BICRA: variants seen among roughly 807,000 people sequenced by gnomAD.
BICRA encodes BRD4 interacting chromatin remodeling complex associated protein, also known as BRD4-interacting chromatin-remodeling complex-associated protein.
Under a neutral mutation model 96.9 loss-of-function variants are expected in BICRA, and 31 were observed. The ratio of observed to expected loss-of-function variants is 0.32; its 90% CI spans 0.24 to 0.43. The LOEUF (loss-of-function observed/expected upper bound fraction) is 0.43. Among genes scored for constraint, BICRA ranks in the 20% least tolerant of loss-of-function variants. BICRA has a pLI of 1.00. For missense variants in BICRA, 2,283 were observed against 2,190.3 expected, an observed-to-expected ratio of 1.04 and a Z score of -0.84; for synonymous variants, 1,350 against 1,071.8, an observed-to-expected ratio of 1.26 and a Z score of -5.07.
At chr19:47,634,570 A>C (rs550052662) in intron 1 of BICRA, among the ~76,000 whole-genome samples, 1 of 152,052 alleles carries the variant, frequency 6.6e-6, no homozygotes, top group Non-Finnish European at 1.5e-5. Context: ...TAATGTGTTC[A>C]ATACCATGCT....
intron 1 of BICRA, among the ~76,000 whole-genome samples, chr19:47,628,808 A>T (rs1235792021): frequency 6.6e-6 from 1 of 151,926 alleles, no homozygotes; most frequent in Non-Finnish European, 1.5e-5. Flanking sequence ...GGGTTTTGCC[A>T]TGTTGCCCAG....
intron 1 of BICRA, among the ~76,000 whole-genome samples, chr19:47,648,223 C>A (rs977164276): frequency 9.3e-5 from 12 of 129,706 alleles, no homozygotes; most frequent in African/African-American, 3.6e-4. Flanking sequence ...GCAGTGGCTG[C>A]CTGAGCTGTA....
chr19:47,651,060 C>T (rs1033387237), intron 1 of BICRA, among the ~76,000 whole-genome samples: 13 of 152,108 alleles, frequency 8.5e-5, no homozygotes, highest in African/African-American at 3.1e-4. Context: ...CGCCTTGTCC[C>T]CTCCGCTGTC....
In BICRA at chr19:47,702,210, A is replaced by T. The variant is rs1209435354; in HGVS notation, c.4478A>T (p.Gln1493Leu). Residue 1493 changes from glutamine to leucine, a missense_variant, in exon 15 of 15, where the codon CAG (glutamine) becomes CTG (leucine). Gln to Leu is a moderately radical substitution (Grantham distance 113, BLOSUM62 -2). Coordinates refer to ENST00000594866, the MANE Select transcript of BICRA (RefSeq NM_001394372.1). ...DQASFSSDSPQDDTLTEHLQS... is the reference protein window; with the variant it reads ...DQASFSSDSPLDDTLTEHLQS... ...GCCAGCTTCTCCAGCGACAGCCCGCAGGATGACACGCTCACCGAGCACCTG... is the reference window on the plus strand; with the variant it reads ...GCCAGCTTCTCCAGCGACAGCCCGCTGGATGACACGCTCACCGAGCACCTG... 6.3e-7 allele frequency: 1 copy of T among 1,596,990 alleles called. No individual in the cohort carries two copies. The highest frequency in any genetic ancestry group is 1.3e-5 in the African/African-American group (1 of 74,156).
chr19:47,622,343 C>T (rs757457415), intron 1 of BICRA, among the ~76,000 whole-genome samples: 3 of 151,792 alleles, frequency 2.0e-5, no homozygotes, highest in East Asian at 2.0e-4. Context: ...GTGATCCTCT[C>T]GCCTTGGCCT....
chr19:47,672,241 AG>A, intron 2 of BICRA, among the ~76,000 whole-genome samples: 1 of 140,720 alleles, frequency 7.1e-6, no homozygotes, highest in African/African-American at 2.7e-5. Flanking sequence ...GGAAGGATGG[AG>A]GGATGGGTGG....
chr19:47,665,757 G>A (rs540873939), intron 1 of BICRA, among the ~76,000 whole-genome samples: 1 of 152,288 alleles, frequency 6.6e-6, no homozygotes, highest in African/African-American at 2.4e-5. Context: ...GTGCCGCAGC[G>A]CCCCCAAAAC....
At position 47,699,168 on chromosome 19, in the gene BICRA, G is replaced by C. The variant is rs1217651817; in HGVS notation, c.3492+109G>C. 1 of 949,072 alleles carries C rather than the reference G, an allele frequency of 1.1e-6. No individual in the cohort carries two copies. The highest frequency in any genetic ancestry group is 1.7e-6 in the Non-Finnish European group (1 of 602,870). The allele number at this position is 949,072 out of a possible 1,614,324, so 58.8% of individuals were successfully genotyped here. ...GGAGCCTCCCGCCCCTCCTAGCCCC[G>C]GGAGGGAGGTTGGGAGGGAGGCGGG... On this transcript the variant is annotated intron_variant, in intron 13 of 14. Coordinates refer to ENST00000594866, the MANE Select transcript of BICRA (RefSeq NM_001394372.1). This position sits in a 1 kb window ranked among gnomAD's most constrained non-coding sequence, Gnocchi z 5.0.
Position 47,657,605 on chromosome 19 carries a change from C to G in BICRA, c.-107-12838C>G, listed in dbSNP as rs956187973. ...TAAAGACGGAGTTTCACTGTGTTAGCCAGGATGGTCTCGATCTCCTGACCT... is the reference window on the plus strand; with the variant it reads ...TAAAGACGGAGTTTCACTGTGTTAGGCAGGATGGTCTCGATCTCCTGACCT... On this transcript the variant is annotated intron_variant, in intron 1 of 14. Transcript: ENST00000594866. Among the ~76,000 whole-genome samples the G allele has an allele frequency of 2.0e-5, 3 of 151,932 alleles. No homozygotes were observed. In the East Asian group the frequency reaches 5.8e-4, roughly 29 times the overall value.
intron 1 of BICRA, among the ~76,000 whole-genome samples, chr19:47,654,082 C>G (rs1972579892): frequency 6.6e-6 from 1 of 152,138 alleles, no homozygotes; most frequent in African/African-American, 2.4e-5. Flanking sequence ...CGTGGCAACT[C>G]TATGTTTAAC....
intron 1 of BICRA, among the ~76,000 whole-genome samples, chr19:47,624,998 T>TA (rs1972119509): frequency 7.4e-6 from 1 of 134,448 alleles, no homozygotes; most frequent in Non-Finnish European, 1.6e-5. Context: ...CTGGCTTTTT[T>TA]TTTTTTTTTT....
Position 47,680,073 on chromosome 19 carries a change from C to T in BICRA, c.903C>T (p.Leu301=). 2 of 1,564,596 alleles carry T rather than the reference C, an allele frequency of 1.3e-6. No homozygotes were observed. The highest frequency in any genetic ancestry group is 8.6e-7 in the Non-Finnish European group (1 of 1,165,830). Residue 301 remains leucine (L), a synonymous_variant, in exon 6 of 15, where the codon CTC becomes CTT. Transcript: ENST00000594866. The stretch of plus-strand genomic sequence containing the variant: ...TCTCGGCCGCTGTGGCCACCACGCT[C>T]AATGGGAACTCTGTGTTCGGAGGCG... ...KNLSAAVATT[L]NGNSVFGGAG...
intron 1 of BICRA, among the ~76,000 whole-genome samples, chr19:47,620,860 C>T (rs989425664): frequency 6.6e-6 from 1 of 151,918 alleles, no homozygotes; most frequent in African/African-American, 2.4e-5. Context: ...TAGCCCAGCC[C>T]TAAATCCTAG....
chr19:47,698,662 G>T lies in BICRA; in HGVS notation c.3277G>T (p.Gly1093Cys). ...CCTGGAGCATTTGCACAAACACCAG[G>T]GCTCCGTCCTGCACCCCGACTACAA... is the stretch of plus-strand genomic sequence containing the variant. ...CFLEHLHKHQ[G>C]SVLHPDYKTA... Residue 1093 changes from glycine (G) to cysteine (C), a missense_variant, in exon 12 of 15, where the codon GGC becomes TGC. Physicochemically the swap from Gly to Cys is radical, Grantham distance 159. Transcript: ENST00000594866. This position sits in a 1 kb window ranked among gnomAD's most constrained non-coding sequence, Gnocchi z 4.8. 2 of 1,580,456 alleles carry T rather than the reference G, an allele frequency of 1.3e-6. No individual in the cohort carries two copies. The highest frequency in any genetic ancestry group is 1.7e-6 in the Non-Finnish European group (2 of 1,149,682).
chr19:47,700,840 C>T (rs1973429553), intron 14 of BICRA: 1 of 157,196 alleles, frequency 6.4e-6, no homozygotes, highest in Non-Finnish European at 1.4e-5. Flanking sequence ...CATTTCGGAC[C>T]AGATTTTGAA....
chr19:47,638,087 C>T (rs967511465), intron 1 of BICRA, among the ~76,000 whole-genome samples: 14 of 152,184 alleles, frequency 9.2e-5, no homozygotes, highest in African/African-American at 2.9e-4. Flanking sequence ...GGGTCTCTGC[C>T]TCCCTCCTCC....
intron 1 of BICRA, among the ~76,000 whole-genome samples, chr19:47,660,148 G>A (rs1208808224): frequency 6.6e-6 from 1 of 151,990 alleles, no homozygotes; most frequent in Non-Finnish European, 1.5e-5. Flanking sequence ...AGGGCCACTG[G>A]GGTTGTCAGA....
chr19:47,674,940 G>T (rs1333705096), intron 4 of BICRA, among the ~76,000 whole-genome samples: 1 of 152,198 alleles, frequency 6.6e-6, no homozygotes, highest in Non-Finnish European at 1.5e-5. Context: ...GGGGAATTGA[G>T]CTCCACCTCT....
chr19:47,609,619 C>T (rs1971866178), intron 1 of BICRA, among the ~76,000 whole-genome samples: 1 of 151,718 alleles, frequency 6.6e-6, no homozygotes, highest in South Asian at 2.1e-4. Flanking sequence ...ACCCCCTCCC[C>T]GTCCCGGCCC....
Sources: allele counts gnomAD v4.1 joint callset (sites outside exome capture counted in the v4.1 genomes callset), GRCh38; gene constraint gnomAD v4.1.1; non-coding constraint Gnocchi (gnomAD v3.1); transcripts MANE v1.5; gene names NCBI Gene and HGNC (gene_info 2026-07-23, HGNC 2026-07-21).